The following ITPR1 variants were observed in gnomAD, a reference collection of about 807,000 sequenced individuals.
ITPR1 encodes the protein inositol 1,4,5-trisphosphate-gated calcium channel ITPR1.
A neutral mutation model predicts 318.4 loss-of-function variants in ITPR1; 96 were observed. That is an observed-to-expected ratio of 0.30 (90% confidence interval 0.26 to 0.36). The LOEUF is 0.36. Among genes scored for constraint, ITPR1 ranks in the 10% least tolerant of loss-of-function variants. The pLI, the probability that ITPR1 is intolerant of heterozygous loss-of-function variation, is 1.00. For missense variants in ITPR1, 2,440 were observed against 3,460.2 expected (o/e 0.71, Z 7.40); for synonymous variants, 1,312 against 1,289.9 (o/e 1.02, Z -0.37).
chr3:4,738,725 T>C (rs1258489292), intron 44 of ITPR1, among the ~76,000 whole-genome samples: 1 of 151,824 alleles, frequency 6.6e-6, no homozygotes, highest in Non-Finnish European at 1.5e-5. Context: ...TCTTGTAAGG[T>C]CATTATGAAT....
chr3:4,681,552 A>T (rs2094298273), intron 26 of ITPR1, 134 bp downstream of exon 26: 3 of 660,268 alleles, frequency 4.5e-6, no homozygotes, highest in Non-Finnish European at 8.1e-6. Flanking sequence ...TGGAACTGTT[A>T]GTACTCAAGT....
At chr3:4,653,034 G>A (rs2093631535) in intron 11 of ITPR1, among the ~76,000 whole-genome samples, 1 of 152,198 alleles carries the variant, frequency 6.6e-6, no homozygotes, top group African/African-American at 2.4e-5. Context: ...AAGACTCAAT[G>A]CTGAAGGACA....
intron 4 of ITPR1, among the ~76,000 whole-genome samples, chr3:4,609,001 T>TAAAAA (rs56738231): frequency 5.6e-5 from 3 of 53,426 alleles, no homozygotes; most frequent in African/African-American, 1.2e-4. Flanking sequence ...ACTCCGTCTT[T>TAAAAA]AAAAAAAAAA....
chr3:4,768,276 GA>G, intron 45 of ITPR1: 1 of 427,100 alleles, frequency 2.3e-6, no homozygotes, highest in Non-Finnish European at 4.1e-6. Flanking sequence ...CTTTTCCTCT[GA>G]AACACACTGT....
chr3:4,650,032 AT>A (rs1221843102), intron 10 of ITPR1, among the ~76,000 whole-genome samples: 1 of 152,242 alleles, frequency 6.6e-6, no homozygotes, highest in Non-Finnish European at 1.5e-5. Context: ...TTGAAAGTGT[AT>A]TCATATTGCC....
intron 2 of ITPR1, among the ~76,000 whole-genome samples, chr3:4,501,446 T>C (rs1242196084): frequency 6.6e-6 from 1 of 152,238 alleles, no homozygotes; most frequent in Non-Finnish European, 1.5e-5. Flanking sequence ...CTACTCCACA[T>C]TCAATGAATG....
chr3:4,727,091 G>T lies in ITPR1; in HGVS notation c.5173-35G>T, dbSNP rs2042570955. On this transcript the variant is annotated intron_variant, in intron 41 of 61. Transcript: ENST00000649015. ...CTGCAGATGGTAGTGTCTCCTTAGTGTTGTATTAAAATGGAATTTCTGCAT... is the reference window on the plus strand; with the variant it reads ...CTGCAGATGGTAGTGTCTCCTTAGTTTTGTATTAAAATGGAATTTCTGCAT... The T allele has an allele frequency of 8.3e-6, 13 of 1,568,262 alleles. No individual in the cohort carries two copies. In the East Asian group the frequency reaches 2.9e-4, roughly 35 times the overall value.
At chr3:4,730,392 TG>T (rs1350465084) in intron 42 of ITPR1, among the ~76,000 whole-genome samples, 4 of 143,324 alleles carry the variant, frequency 2.8e-5, no homozygotes, top group Admixed American at 1.4e-4. Flanking sequence ...TGTGTGTGTG[TG>T]TGTGTGTGTG....
chr3:4,649,044 A>G (rs545479586), intron 10 of ITPR1, among the ~76,000 whole-genome samples: 19 of 152,206 alleles, frequency 1.2e-4, no homozygotes, highest in South Asian at 4.1e-4. Context: ...TACATTCAGA[A>G]CAGTCTCTCA....
intron 4 of ITPR1, among the ~76,000 whole-genome samples, chr3:4,547,754 A>G (rs1209550932): frequency 6.6e-6 from 1 of 152,220 alleles, no homozygotes; most frequent in African/African-American, 2.4e-5. Flanking sequence ...GTATTTACCC[A>G]GTCCGAGGAG....
chr3:4,752,542 G>T (rs1463785803), intron 44 of ITPR1, among the ~76,000 whole-genome samples: 2 of 152,222 alleles, frequency 1.3e-5, no homozygotes, highest in Non-Finnish European at 1.5e-5. Context: ...GCAGGACTTT[G>T]AGCTTTCACA....
intron 44 of ITPR1, chr3:4,751,199 G>T (rs537689935): frequency 6.6e-6 from 1 of 152,564 alleles, no homozygotes; most frequent in African/African-American, 2.4e-5. Flanking sequence ...GAAAACAAGA[G>T]AATGGGTTTA....
chr3:4,721,403 C>T (rs188663566), intron 40 of ITPR1, among the ~76,000 whole-genome samples: 2 of 151,958 alleles, frequency 1.3e-5, no homozygotes, highest in South Asian at 2.1e-4. Flanking sequence ...AGATAGTTGT[C>T]TCAGCAGATA....
At chr3:4,504,768 T>C (rs2081282026) in intron 2 of ITPR1, among the ~76,000 whole-genome samples, 1 of 152,144 alleles carries the variant, frequency 6.6e-6, no homozygotes, top group Non-Finnish European at 1.5e-5. Flanking sequence ...AAGGGAGCCT[T>C]TTTCTCCCTC....
At chr3:4,770,697 GCTCAGACTT>G (rs1245373196) in intron 46 of ITPR1, among the ~76,000 whole-genome samples, 1 of 152,116 alleles carries the variant, frequency 6.6e-6, no homozygotes, top group Non-Finnish European at 1.5e-5. Flanking sequence ...CTTGTCAGTT[GCTCAGACTT>G]TCCTCTTTGG....
chr3:4,760,020 G>T (rs1051925779), intron 44 of ITPR1, among the ~76,000 whole-genome samples: 2 of 152,216 alleles, frequency 1.3e-5, no homozygotes, highest in African/African-American at 2.4e-5. Flanking sequence ...GGATCTGCCC[G>T]CAGACCAGCT....
intron 55 of ITPR1, 84 bp from the exon 56 acceptor site, chr3:4,811,181 T>C (rs2048919870): frequency 1.0e-6 from 1 of 959,500 alleles, no homozygotes. Flanking sequence ...GGGCAAACTC[T>C]CTATAAACCA....
chr3:4,830,568 T>C (rs1046251136), intron 60 of ITPR1, among the ~76,000 whole-genome samples: 2 of 152,138 alleles, frequency 1.3e-5, no homozygotes, highest in Admixed American at 1.3e-4. Context: ...TCCTGACATT[T>C]TCTGAGGGTT....
intron 4 of ITPR1, among the ~76,000 whole-genome samples, chr3:4,584,141 C>T (rs913694689): frequency 3.9e-5 from 6 of 152,104 alleles, no homozygotes; most frequent in Non-Finnish European, 8.8e-5. Context: ...ATGAAGCTCA[C>T]AGTTTATTAT....
Sources: allele counts gnomAD v4.1 joint callset (sites outside exome capture counted in the v4.1 genomes callset), GRCh38; gene constraint gnomAD v4.1.1; transcripts MANE v1.5; gene names NCBI Gene and HGNC (gene_info 2026-07-23, HGNC 2026-07-21).